Variants in NUMB observed in about 807,000 individuals in gnomAD.
NUMB encodes the protein protein numb homolog.
In NUMB, 29 loss-of-function variants were observed where a neutral mutation model predicts 59.7. That is an observed-to-expected ratio of 0.49 (90% CI 0.36 to 0.66). NUMB has a LOEUF of 0.66. NUMB is among the 30% of genes least tolerant of loss of function. The pLI is 0.00. For synonymous variants in NUMB, 288 were observed against 288.2 expected (o/e 1.00, Z 0.01); for missense variants, 723 against 822.0 (o/e 0.88, Z 1.47).
chr14:73,358,477 T>C (rs982983955), intron 3 of NUMB, among the ~76,000 whole-genome samples: 2 of 152,138 alleles, frequency 1.3e-5, no homozygotes, highest in Admixed American at 1.3e-4. Context: ...ATGCCCTCTT[T>C]CAGAGCCTCT....
At chr14:73,307,857 C>T (rs542510180) in intron 6 of NUMB, among the ~76,000 whole-genome samples, 31 of 151,382 alleles carry the variant, frequency 2.0e-4, no homozygotes, top group African/African-American at 5.6e-4. Context: ...CTCAGCCTCC[C>T]GAGTAGCTGG....
At chr14:73,359,428 CAT>C (rs1187649977) in intron 3 of NUMB, among the ~76,000 whole-genome samples, 2 of 152,176 alleles carry the variant, frequency 1.3e-5, no homozygotes, top group Admixed American at 1.3e-4. Flanking sequence ...CCACAATACA[CAT>C]ATATACAGAC....
At chr14:73,320,141 G>T (rs565561004) in intron 5 of NUMB, among the ~76,000 whole-genome samples, 1 of 151,568 alleles carries the variant, frequency 6.6e-6, no homozygotes, top group Non-Finnish European at 1.5e-5. Flanking sequence ...CGGCGGGGGG[G>T]CAAAAAAAGA....
intron 1 of NUMB, among the ~76,000 whole-genome samples, chr14:73,418,990 C>A (rs929013603): frequency 3.3e-5 from 5 of 152,078 alleles, no homozygotes; most frequent in Non-Finnish European, 5.9e-5. Flanking sequence ...AGCATAATTA[C>A]AGAAGTTATA....
chr14:73,417,727 T>C (rs921580257), intron 1 of NUMB, among the ~76,000 whole-genome samples: 3 of 152,182 alleles, frequency 2.0e-5, no homozygotes, highest in Non-Finnish European at 4.4e-5. Context: ...CAGATATTTG[T>C]ACACCAATAT....
At chr14:73,375,533 C>G (rs1272547874) in intron 2 of NUMB, among the ~76,000 whole-genome samples, 3 of 151,988 alleles carry the variant, frequency 2.0e-5, no homozygotes, top group Non-Finnish European at 2.9e-5. Context: ...CCAAATCCAG[C>G]CTGTAGAAAA....
In NUMB at chr14:73,445,354, C is replaced by CA. The variant is rs752154048; in HGVS notation, c.-233+13138dup. The stretch of plus-strand genomic sequence containing the variant: ...TGAGTGACAAAGTGAGACCCTGTCT[C>CA]AAAAAAAAAAAAAAAAAAAAAAAAA... On this transcript the variant is annotated intron_variant, in intron 1 of 12. Transcript: ENST00000555238. 2.4e-3 allele frequency among the ~76,000 whole-genome samples: 140 copies of CA among 57,572 alleles called. 23 individuals carry two copies. Among genetic ancestry groups the CA allele is most frequent in the Middle Eastern group, 0.018 (1 of 56 alleles). 37.8% of individuals were successfully genotyped at this position (57,572 alleles called of 152,430 possible).
At chr14:73,278,035 G>A (rs1443984468) in intron 12 of NUMB, among the ~76,000 whole-genome samples, 1 of 100,664 alleles carries the variant, frequency 9.9e-6, no homozygotes, top group African/African-American at 4.0e-5. Context: ...GACACAGCGA[G>A]ACTCCGTCTC....
chr14:73,429,359 G>A (rs147923856), intron 1 of NUMB, among the ~76,000 whole-genome samples: 36 of 152,186 alleles, frequency 2.4e-4, no homozygotes, highest in African/African-American at 7.2e-4. Flanking sequence ...GTGACAGAGC[G>A]AGACTCCATC....
chr14:73,433,058 T>A (rs1028138715), intron 1 of NUMB, among the ~76,000 whole-genome samples: 2 of 149,732 alleles, frequency 1.3e-5, no homozygotes, highest in Non-Finnish European at 3.0e-5. Context: ...TACAAAAAAA[T>A]TAGCAGGGCA....
chr14:73,370,855 A>G (rs923686730), intron 2 of NUMB, among the ~76,000 whole-genome samples: 8 of 152,254 alleles, frequency 5.3e-5, no homozygotes, highest in African/African-American at 1.4e-4. Context: ...ACTAAGATAC[A>G]TGAAAAAATG....
intron 4 of NUMB, among the ~76,000 whole-genome samples, chr14:73,352,514 A>T (rs1566756319): frequency 3.2e-4 from 4 of 12,370 alleles, no homozygotes; most frequent in African/African-American, 1.1e-3. Context: ...ATATATATAT[A>T]TATATATATA....
intron 2 of NUMB, among the ~76,000 whole-genome samples, chr14:73,401,346 T>G (rs898228749): frequency 3.3e-5 from 5 of 151,998 alleles, no homozygotes; most frequent in Admixed American, 6.6e-5. Flanking sequence ...GTATTTTTTT[T>G]GCTCAATTTT....
chr14:73,438,500 G>A (rs951447545), intron 1 of NUMB, among the ~76,000 whole-genome samples: 6 of 151,646 alleles, frequency 4.0e-5, no homozygotes, highest in Non-Finnish European at 8.8e-5. Flanking sequence ...GTGTGCTGAC[G>A]CACATCTGTA....
intron 4 of NUMB, among the ~76,000 whole-genome samples, chr14:73,339,837 T>C (rs1892536012): frequency 6.6e-6 from 1 of 152,206 alleles, no homozygotes; most frequent in South Asian, 2.1e-4. Flanking sequence ...GCAATGAGGT[T>C]AGTTTGGTAG....
At chr14:73,396,927 A>G (rs185010197) in intron 2 of NUMB, among the ~76,000 whole-genome samples, 231 of 152,272 alleles carry the variant, frequency 1.5e-3, no homozygotes, top group African/African-American at 5.3e-3. Context: ...GTTTGAGACC[A>G]GTCTGGCCAA....
intron 5 of NUMB, among the ~76,000 whole-genome samples, chr14:73,319,753 G>A (rs757841497): frequency 6.6e-6 from 1 of 152,136 alleles, no homozygotes; most frequent in Non-Finnish European, 1.5e-5. Flanking sequence ...AATACATGTG[G>A]CACACTATGA....
intron 4 of NUMB, among the ~76,000 whole-genome samples, chr14:73,339,770 GT>G (rs1026646379): frequency 2.0e-5 from 3 of 150,218 alleles, no homozygotes; most frequent in Non-Finnish European, 2.9e-5. Context: ...AACCCCTATC[GT>G]TTTTTGTTTG....
intron 8 of NUMB, among the ~76,000 whole-genome samples, chr14:73,289,227 T>A (rs1889230292): frequency 6.6e-6 from 1 of 152,210 alleles, no homozygotes; most frequent in Non-Finnish European, 1.5e-5. Context: ...AAGCATGTTT[T>A]CATCCACACT....
Sources: gnomAD v4.1 joint callset for allele counts (sites outside exome capture counted in the v4.1 genomes callset) on GRCh38, gnomAD v4.1.1 for gene constraint, MANE v1.5 for transcripts, NCBI Gene and HGNC (gene_info 2026-07-23, HGNC 2026-07-21) for gene names.